The following RPUSD3 variants were observed in gnomAD, a reference collection of about 807,000 sequenced individuals.
RPUSD3 encodes RNA pseudouridine synthase D3.
A neutral mutation model predicts 35.1 loss-of-function variants in RPUSD3; 36 were observed. The observed-to-expected ratio is 1.02, with a 90% CI of 0.79 to 1.35. The LOEUF is 1.35. Among genes scored for constraint, RPUSD3 ranks in the 40% most tolerant of loss-of-function variants. The pLI is 0.00. For missense variants in RPUSD3, 486 were observed against 441.9 expected (o/e 1.10, Z -0.89); for synonymous variants, 202 against 187.8 (o/e 1.08, Z -0.62).
chr3:9,840,392 C>A, intron 6 of RPUSD3, 85 bp from the exon 7 acceptor site: 2 of 1,612,088 alleles, frequency 1.2e-6, no homozygotes, highest in Non-Finnish European at 1.7e-6. Flanking sequence ...AGACTCCGGG[C>A]AGGGCCACAG....
chr3:9,837,997 G>C (rs2082045568), exon 9 of RPUSD3: 1 of 1,544,722 alleles, frequency 6.5e-7, no homozygotes, highest in South Asian at 1.2e-5. Flanking sequence ...GTGTGAGGGG[G>C]TCAGGAACAG....
At chr3:9,838,347 C>T (rs759116609) in intron 8 of RPUSD3, 140 bp from the exon 9 acceptor site, 95 of 779,620 alleles carry the variant, frequency 1.2e-4, no homozygotes, top group Non-Finnish European at 1.7e-4. Flanking sequence ...CCTCTTTGCA[C>T]ACAGATGTGC....
intron 7 of RPUSD3, chr3:9,839,936 A>C (rs1267964897): frequency 2.1e-5 from 8 of 384,750 alleles, no homozygotes; most frequent in Middle Eastern, 7.5e-4. Context: ...ACTGGAGTGC[A>C]GTGGCATGAT....
chr3:9,842,304 A>G (rs1388455246), intron 2 of RPUSD3, 61 bp from the exon 3 acceptor site: 5 of 1,517,052 alleles, frequency 3.3e-6, no homozygotes, highest in Non-Finnish European at 4.6e-6. Context: ...GCAGCACTAA[A>G]GAGTTTCCAG....
At chr3:9,840,727 C>T (rs1172085901) in exon 5 of RPUSD3, 3 of 1,614,148 alleles carry the variant, frequency 1.9e-6, no homozygotes. Context: ...TTTGGGCTCT[C>T]CGTGCATGGG....
At chr3:9,838,028 G>A (rs2082046448) in exon 9 of RPUSD3, 2 of 1,573,680 alleles carry the variant, frequency 1.3e-6, no homozygotes, top group Non-Finnish European at 1.7e-6. Flanking sequence ...ATTGTAAGCG[G>A]AGCCCCAGGC....
intron 2 of RPUSD3, chr3:9,843,227 C>A (rs149504521): frequency 1.7e-6 from 1 of 578,660 alleles, no homozygotes; most frequent in East Asian, 2.9e-5. Flanking sequence ...CGTAACTGAG[C>A]GCCGGCTATG....
exon 5 of RPUSD3, chr3:9,840,778 G>C: frequency 6.2e-7 from 1 of 1,613,986 alleles, no homozygotes; most frequent in Non-Finnish European, 8.5e-7. Context: ...GGGGACAGCT[G>C]GAGAGGAGTA....
intron 4 of RPUSD3, 90 bp from the exon 5 acceptor site, chr3:9,840,895 C>G: frequency 2.3e-6 from 2 of 857,422 alleles, no homozygotes; most frequent in South Asian, 1.7e-5. Flanking sequence ...CTGCTTCAGG[C>G]CAAACACTAA....
intron 4 of RPUSD3, chr3:9,841,337 G>A (rs2426): frequency 0.83 from 127,791 of 153,522 alleles, 53,887 homozygotes; most frequent in African/African-American, 0.87. Flanking sequence ...TTTTTGAGAC[G>A]GGGTCTCATT....
At position 9,843,447 on chromosome 3, in the gene RPUSD3, G is replaced by A. The variant is rs895129771; in HGVS notation, c.262+18C>T. 11 of 1,613,214 alleles carry A rather than the reference G, an allele frequency of 6.8e-6. No homozygotes were observed. The highest frequency in any genetic ancestry group is 5.0e-5 in the Admixed American group (3 of 59,992). ...GTCCCCTCCCGGTCCTTGTGCGGCCGTGCCTCTCACCCCTCACCTTTCCGG... is the reference window on the plus strand; with the variant it reads ...GTCCCCTCCCGGTCCTTGTGCGGCCATGCCTCTCACCCCTCACCTTTCCGG... On this transcript the variant is annotated intron_variant, in intron 2 of 8. Coordinates refer to ENST00000383820, the Ensembl canonical transcript of RPUSD3.
chr3:9,840,231 A>G (rs777261362), exon 7 of RPUSD3: 1 of 1,614,080 alleles, frequency 6.2e-7, no homozygotes, highest in Admixed American at 1.7e-5. Flanking sequence ...GCCTGTGGCT[A>G]CCACACGAAA....
rs145422476 is a variant in RPUSD3 at position 9,843,521 on chromosome 3, T to C, written c.206A>G (p.Asn69Ser). Reference sequence around the variant, plus strand: ...ATCAACCAGCTCCTCCCGACTGAGGTTTTTTGGCAGCAGCCCCGCGAAGGG... The same window carrying C: ...ATCAACCAGCTCCTCCCGACTGAGGCTTTTTGGCAGCAGCCCCGCGAAGGG... Residue 69 changes from asparagine (N) to serine (S), a missense_variant, in exon 2 of 9, where the codon AAC becomes AGC. Asn to Ser is a conservative substitution (Grantham distance 46). Coordinates refer to ENST00000383820, the Ensembl canonical transcript of RPUSD3. 1,078 of 1,613,564 alleles carry C rather than the reference T, an allele frequency of 6.7e-4. 8 individuals are homozygous for C. In the East Asian group the frequency reaches 0.016, roughly 24 times the overall value.
chr3:9,839,319 C>T, intron 7 of RPUSD3, 148 bp from the exon 8 acceptor site: 1 of 784,432 alleles, frequency 1.3e-6, no homozygotes, highest in South Asian at 2.0e-5. Context: ...CCCCTGCATC[C>T]AGAGAGGGAC....
At chr3:9,843,739 T>G in intron 1 of RPUSD3, 138 bp from the exon 2 acceptor site, 1 of 1,542,328 alleles carries the variant, frequency 6.5e-7, no homozygotes, top group South Asian at 1.2e-5. Context: ...AAAATTCAGG[T>G]ACGACCGGTC....
At position 9,843,330 on chromosome 3, in the gene RPUSD3, A is replaced by C. The variant is rs144752761; in HGVS notation, c.262+135T>G. 3.7e-3 allele frequency: 4,795 copies of C among 1,285,808 alleles called. 39 individuals carry two copies. The highest frequency in any genetic ancestry group is 4.6e-3 in the South Asian group (342 of 74,316). 79.6% of individuals were successfully genotyped at this position (1,285,808 alleles called of 1,614,324 possible). A position where few individuals can be genotyped will look rare whatever the true frequency, so the allele number is the denominator to read the frequency against. ...TAAAAGCGGGGAGAGGGTGCAAATT[A>C]GGTGGCTTGTCCCAGCTCATGCTGC... On this transcript the variant is annotated intron_variant, in intron 2 of 8. Transcript: ENST00000383820.
rs569302292 is a variant in RPUSD3, at chr3:9,843,688, C to T, written c.126-87G>A. The stretch of plus-strand genomic sequence containing the variant: ...TCCGGACGCCTCTTCCCAAATCCTG[C>T]GGCCTCTGACAAATGCCTCACAATG... On this transcript the variant is annotated intron_variant, in intron 1 of 8. Transcript: ENST00000383820. The T allele has an allele frequency of 5.5e-5, 86 of 1,559,226 alleles. No homozygotes were observed. The African/African-American group carries it at 8.8e-4, about 16-fold the overall frequency.
chr3:9,838,866 AC>A (rs1559234030), intron 8 of RPUSD3, 165 bp downstream of exon 8: 3 of 779,044 alleles, frequency 3.9e-6, no homozygotes. Flanking sequence ...AGTGAGTGTT[AC>A]TTGCCCAAGG....
intron 4 of RPUSD3, 29 bp from the exon 5 acceptor site, chr3:9,840,834 TA>T: frequency 6.3e-7 from 1 of 1,578,030 alleles, no homozygotes; most frequent in African/African-American, 1.4e-5. Context: ...TCACACAAGT[TA>T]AAGTCCCTTG....
Sources: allele counts gnomAD v4.1 joint callset, GRCh38; gene constraint gnomAD v4.1.1; transcripts MANE v1.5; gene names NCBI Gene and HGNC (gene_info 2026-07-23, HGNC 2026-07-21).